The following CFAP46 variants were observed in gnomAD, a reference collection of about 807,000 sequenced individuals.
The protein encoded by CFAP46 is cilia- and flagella-associated protein 46.
In CFAP46, 245 loss-of-function variants were observed where a neutral mutation model predicts 325.7. That is an observed-to-expected ratio of 0.75 (90% CI 0.68 to 0.84). The LOEUF is 0.84. Ranked by LOEUF, CFAP46 falls within the 40% of genes least tolerant of loss-of-function variation. The pLI is 0.00. For missense variants in CFAP46, 3,346 were observed against 3,543.0 expected (o/e 0.94, Z 1.41); for synonymous variants, 1,523 against 1,495.9 (o/e 1.02, Z -0.42).
chr10:132,841,106 TC>T (rs1223868447), intron 44 of CFAP46, among the ~76,000 whole-genome samples: 1 of 152,190 alleles, frequency 6.6e-6, no homozygotes, highest in Non-Finnish European at 1.5e-5. Context: ...AAAACTCATG[TC>T]CTTCTCATAT....
At chr10:132,811,087 T>G in intron 55 of CFAP46, 56 bp from the exon 56 acceptor site, 3 of 1,459,794 alleles carry the variant, frequency 2.1e-6, no homozygotes, top group East Asian at 2.5e-5. Context: ...GGAGTGGGGA[T>G]GGGGTGTGGG....
chr10:132,850,499 C>T (rs1848520368), intron 40 of CFAP46, 67 bp from the exon 41 acceptor site: 2 of 1,436,554 alleles, frequency 1.4e-6, no homozygotes, highest in South Asian at 2.8e-5. Context: ...CCAGGGGACC[C>T]AGTGAGCCCG....
Position 132,919,301 on chromosome 10 carries a change from G to A in CFAP46, c.1858+14C>T, listed in dbSNP as rs1383822727. On this transcript the variant is annotated intron_variant, in intron 15 of 57. Transcript: ENST00000368586. This position sits in a 1 kb window ranked among gnomAD's most constrained non-coding sequence, Gnocchi z 9.7. The stretch of plus-strand genomic sequence containing the variant: ...TGGCCAGGCTGGGACACACTCGTGA[G>A]GGCGGGTACGAACCTCGCCGCAGCC... 3.2e-6 allele frequency: 5 copies of A among 1,547,274 alleles called. No homozygotes were observed. Among genetic ancestry groups the A allele is most frequent in the East Asian group, 2.4e-5 (1 of 40,854 alleles).
chr10:132,883,878 A>G (rs1680385953), intron 27 of CFAP46, among the ~76,000 whole-genome samples: 1 of 152,160 alleles, frequency 6.6e-6, no homozygotes, highest in Admixed American at 6.5e-5. Context: ...GGGCCAATGG[A>G]GGGAGAGAAG....
At chr10:132,842,864 C>T (rs971607742) in intron 44 of CFAP46, among the ~76,000 whole-genome samples, 3 of 152,142 alleles carry the variant, frequency 2.0e-5, no homozygotes, top group Admixed American at 2.0e-4. Context: ...AGCCATCAGC[C>T]CCACTCCCAT....
chr10:132,885,723 TGGAGCACTCACAGGCGGTGTGG>T (rs1259699772), intron 26 of CFAP46, 76 bp downstream of exon 26: 137 of 910,000 alleles, frequency 1.5e-4, no homozygotes, highest in East Asian at 9.0e-4. Flanking sequence ...ATGCAGTGGG[TGGAGCACTCACAGGCGGTGTGG>T]GGAGCACTCA....
chr10:132,868,869 C>T (rs1378147489), intron 33 of CFAP46, among the ~76,000 whole-genome samples: 2 of 152,254 alleles, frequency 1.3e-5, no homozygotes, highest in African/African-American at 2.4e-5. Context: ...AGTTGTTACA[C>T]AGCCTGATGT....
At chr10:132,918,950 T>C (rs1043644684) in intron 15 of CFAP46, among the ~76,000 whole-genome samples, 2 of 152,214 alleles carry the variant, frequency 1.3e-5, no homozygotes, top group Admixed American at 1.3e-4. Context: ...TGCTGATTGA[T>C]GAGCCTGCCC....
At chr10:132,917,584 T>A (rs888997191) in intron 16 of CFAP46, among the ~76,000 whole-genome samples, 1 of 152,212 alleles carries the variant, frequency 6.6e-6, no homozygotes, top group Non-Finnish European at 1.5e-5. Context: ...CGAGTGGCGG[T>A]TGCCGTGTGT....
intron 50 of CFAP46, among the ~76,000 whole-genome samples, chr10:132,833,035 C>T (rs4880431): frequency 0.34 from 51,967 of 151,372 alleles, 10,051 homozygotes; most frequent in Admixed American, 0.5. Context: ...TGCAGTGGCG[C>T]CATCTCAGCT....
intron 50 of CFAP46, among the ~76,000 whole-genome samples, chr10:132,831,031 T>C (rs1462966903): frequency 6.6e-6 from 1 of 152,248 alleles, no homozygotes; most frequent in Non-Finnish European, 1.5e-5. Context: ...TAATTTCTTC[T>C]TTTATCCGTG....
chr10:132,808,991 G>A lies in CFAP46; in HGVS notation c.7665-87C>T. 7.4e-7 allele frequency: 1 copy of A among 1,354,918 alleles called. No homozygotes were observed. The allele number at this position is 1,354,918 out of a possible 1,614,324, so 83.9% of individuals were successfully genotyped here. ...GGACCAGGGCACAGGGGCGGGAAGT[G>A]GCAGCTGCTCCAACTGAGGGCGCTC... On this transcript the variant is annotated intron_variant, in intron 57 of 57. Transcript: ENST00000368586. The surrounding 1 kb of genome is among the most constrained non-coding windows in gnomAD (Gnocchi z 6.8).
intron 10 of CFAP46, among the ~76,000 whole-genome samples, chr10:132,925,209 C>T (rs1244526114): frequency 6.6e-6 from 1 of 152,250 alleles, no homozygotes; most frequent in Non-Finnish European, 1.5e-5. Flanking sequence ...CGCTTCCCAC[C>T]CCCAGAATGC....
intron 9 of CFAP46, chr10:132,929,071 T>A (rs1387993666): frequency 6.0e-6 from 1 of 167,964 alleles, no homozygotes; most frequent in Non-Finnish European, 1.3e-5. Flanking sequence ...TCTGAGAGGA[T>A]ACGTTTCAAG....
intron 50 of CFAP46, among the ~76,000 whole-genome samples, chr10:132,824,716 T>A (rs1451289024): frequency 5.9e-4 from 31 of 52,600 alleles, no homozygotes; most frequent in South Asian, 1.2e-3. Flanking sequence ...GTGCTGTGTG[T>A]GTACTGATGT....
Position 132,847,773 on chromosome 10 carries a change from C to T in CFAP46, c.5953-452G>A, listed in dbSNP as rs1377286376. On this transcript the variant is annotated intron_variant, in intron 41 of 57. Transcript: ENST00000368586. The surrounding 1 kb of genome is among the most constrained non-coding windows in gnomAD (Gnocchi z 5.2). Reference sequence around the variant, plus strand: ...ACCTGGGTATAGGAAGCCCTGGCAGCCCCTGAAGAACCTGGGTTGAGAGGG... The same window carrying T: ...ACCTGGGTATAGGAAGCCCTGGCAGTCCCTGAAGAACCTGGGTTGAGAGGG... Among the ~76,000 whole-genome samples the T allele has an allele frequency of 6.6e-6, 1 of 152,198 alleles. No homozygotes were observed. Among genetic ancestry groups the T allele is most frequent in the Non-Finnish European group, 1.5e-5 (1 of 68,040 alleles).
intron 33 of CFAP46, among the ~76,000 whole-genome samples, chr10:132,867,939 C>A (rs1485808993): frequency 6.6e-6 from 1 of 152,236 alleles, no homozygotes; most frequent in African/African-American, 2.4e-5. Flanking sequence ...TCCACCTGGC[C>A]CCGGCCACGG....
chr10:132,823,117 GTGTGTGCTGA>G lies in CFAP46; in HGVS notation c.7118-8213_7118-8204del, dbSNP rs1367659590. 4.3e-3 allele frequency among the ~76,000 whole-genome samples: 614 copies of G among 141,718 alleles called. 8 individuals are homozygous for G. Among genetic ancestry groups the G allele is most frequent in the African/African-American group, 0.016 (579 of 37,156 alleles). 93.0% of individuals were successfully genotyped at this position (141,718 alleles called of 152,430 possible). On this transcript the variant is annotated intron_variant, in intron 50 of 57. Coordinates refer to ENST00000368586, the MANE Select transcript of CFAP46 (RefSeq NM_001200049.3). ...CTTTGTATGTGCTGATGTGTGCTGT[GTGTGTGCTGA>G]TGTGTGCTCTGTGTGCTGATGTGTG...
chr10:132,808,616 A>G lies in CFAP46; in HGVS notation c.7953T>C (p.Pro2651=), dbSNP rs756636408. Residue 2651 remains proline (P), a synonymous_variant, in exon 58 of 58, where the codon CCT becomes CCC. Coordinates refer to ENST00000368586, the MANE Select transcript of CFAP46 (RefSeq NM_001200049.3). This position sits in a 1 kb window ranked among gnomAD's most constrained non-coding sequence, Gnocchi z 6.8. ...CTGCCTTGCGGGAAGTCGCTGGGGG[A>G]GGGTCCCTGGCTGAGGCTGCACCAA... The part of the protein sequence containing the change: ...PALGAASARD[P]PPATSRKAAA... The G allele has an allele frequency of 3.1e-6, 5 of 1,610,908 alleles. No homozygotes were observed. The African/African-American group carries it at 6.7e-5, about 22-fold the overall frequency.
Sources: allele counts gnomAD v4.1 joint callset (sites outside exome capture counted in the v4.1 genomes callset), GRCh38; gene constraint gnomAD v4.1.1; non-coding constraint Gnocchi (gnomAD v3.1); transcripts MANE v1.5; gene names NCBI Gene and HGNC (gene_info 2026-07-23, HGNC 2026-07-21).